NRXN3: variants seen among roughly 807,000 people sequenced by gnomAD.
The protein encoded by NRXN3 is neurexin III.
Under a neutral mutation model 137.6 loss-of-function variants are expected in NRXN3, and 32 were observed. The observed-to-expected ratio is 0.23, with a 90% CI of 0.18 to 0.31. The LOEUF (loss-of-function observed/expected upper bound fraction) is 0.31. NRXN3 is among the 10% of genes least tolerant of loss of function. NRXN3 has a pLI of 1.00. For synonymous variants in NRXN3, 798 were observed against 784.5 expected, an observed-to-expected ratio of 1.02 and a Z score of -0.29; for missense variants, 1,574 against 2,062.5, an observed-to-expected ratio of 0.76 and a Z score of 4.59.
chr14:79,616,003 C>T (rs1320052552), intron 16 of NRXN3, among the ~76,000 whole-genome samples: 1 of 152,068 alleles, frequency 6.6e-6, no homozygotes, highest in African/African-American at 2.4e-5. Flanking sequence ...TCATACCCAG[C>T]AGTATGAAGA....
chr14:78,333,730 G>T (rs1295286255), intron 4 of NRXN3, among the ~76,000 whole-genome samples: 2 of 152,122 alleles, frequency 1.3e-5, no homozygotes, highest in Non-Finnish European at 2.9e-5. Flanking sequence ...GGTGTGTGTG[G>T]GGGGCATATT....
intron 1 of NRXN3, among the ~76,000 whole-genome samples, chr14:78,201,295 C>T (rs2061655150): frequency 6.6e-6 from 1 of 152,206 alleles, no homozygotes; most frequent in Non-Finnish European, 1.5e-5. Context: ...CCTAAATTCT[C>T]CACACTGTCA....
At position 79,755,897 on chromosome 14, in the gene NRXN3, A is replaced by AT. The variant is rs2099017697; in HGVS notation, c.4015-49212dup. On this transcript the variant is annotated intron_variant, in intron 19 of 20. Coordinates refer to ENST00000335750, the MANE Select transcript of NRXN3 (RefSeq NM_001330195.2). ...CTCCTATGCAAATCCTGATTTTCAC[A>AT]TTTAAGCTTTACTTAACAGTGTCAA... is the stretch of plus-strand genomic sequence containing the variant. Among the ~76,000 whole-genome samples, 4 of 152,272 alleles carry AT rather than the reference A, an allele frequency of 2.6e-5. No individual in the cohort carries two copies. In the South Asian group the frequency reaches 6.2e-4, roughly 24 times the overall value.
At chr14:79,733,471 G>T (rs577985495) in intron 19 of NRXN3, among the ~76,000 whole-genome samples, 1 of 152,048 alleles carries the variant, frequency 6.6e-6, no homozygotes, top group Non-Finnish European at 1.5e-5. Context: ...AAAACGTGCC[G>T]CTAAAACCTT....
intron 15 of NRXN3, among the ~76,000 whole-genome samples, chr14:79,219,147 G>T (rs2069065484): frequency 1.3e-5 from 2 of 152,142 alleles, no homozygotes; most frequent in South Asian, 4.2e-4. Context: ...TTAGAGATAG[G>T]GTCTCACTCT....
chr14:79,456,596 G>A (rs953866583), intron 15 of NRXN3, among the ~76,000 whole-genome samples: 4 of 151,814 alleles, frequency 2.6e-5, no homozygotes, highest in Admixed American at 6.6e-5. Context: ...GCATAGTGGC[G>A]GGTGCCTGTA....
intron 15 of NRXN3, among the ~76,000 whole-genome samples, chr14:79,416,760 G>T (rs1221124163): frequency 1.3e-5 from 2 of 152,100 alleles, no homozygotes; most frequent in Non-Finnish European, 2.9e-5. Flanking sequence ...CTTCTATGCA[G>T]ATTTCATTAA....
chr14:78,551,964 C>A (rs2096695658), intron 4 of NRXN3, among the ~76,000 whole-genome samples: 1 of 152,148 alleles, frequency 6.6e-6, no homozygotes, highest in African/African-American at 2.4e-5. Context: ...GATCCCCAGA[C>A]TTTGCTTGTT....
chr14:79,510,064 T>A (rs755437624), intron 16 of NRXN3, among the ~76,000 whole-genome samples: 10 of 152,164 alleles, frequency 6.6e-5, no homozygotes, highest in Admixed American at 2.6e-4. Context: ...TAAAACCAGT[T>A]GCATTGACCA....
At chr14:79,010,261 T>C (rs979630870) in intron 15 of NRXN3, among the ~76,000 whole-genome samples, 1 of 152,166 alleles carries the variant, frequency 6.6e-6, no homozygotes, top group African/African-American at 2.4e-5. Context: ...TAGATTTTGG[T>C]ACAGTGACTT....
At chr14:78,323,341 C>T (rs2079634403) in intron 4 of NRXN3, among the ~76,000 whole-genome samples, 1 of 151,932 alleles carries the variant, frequency 6.6e-6, no homozygotes, top group East Asian at 1.9e-4. Context: ...TCAAAGTGCC[C>T]TGTGTGTGGA....
At chr14:78,183,835 T>C (rs2060012523) in intron 1 of NRXN3, among the ~76,000 whole-genome samples, 1 of 152,168 alleles carries the variant, frequency 6.6e-6, no homozygotes, top group Admixed American at 6.5e-5. Flanking sequence ...AAGCAATAGC[T>C]TGACTCTACA....
chr14:79,302,523 G>C (rs1025938659), intron 15 of NRXN3, among the ~76,000 whole-genome samples: 9 of 151,894 alleles, frequency 5.9e-5, no homozygotes, highest in African/African-American at 1.9e-4. Flanking sequence ...TACAGAGTGA[G>C]AGCTCAATAT....
chr14:79,763,770 C>T (rs772068877), intron 19 of NRXN3, among the ~76,000 whole-genome samples: 5 of 151,432 alleles, frequency 3.3e-5, no homozygotes, highest in African/African-American at 4.9e-5. Context: ...TATGAGGTCT[C>T]TGCCATCATG....
At chr14:78,620,398 C>T (rs1316639786) in intron 4 of NRXN3, among the ~76,000 whole-genome samples, 1 of 152,060 alleles carries the variant, frequency 6.6e-6, no homozygotes. Context: ...TGATTTATTC[C>T]CCCTCCTCCC....
chr14:78,276,374 C>CA (rs1315954763), intron 2 of NRXN3, among the ~76,000 whole-genome samples: 5 of 152,084 alleles, frequency 3.3e-5, no homozygotes, highest in Non-Finnish European at 5.9e-5. Context: ...AAAGTGGAAC[C>CA]AAAATCACTG....
chr14:79,730,619 C>T (rs2098918508), intron 19 of NRXN3, among the ~76,000 whole-genome samples: 1 of 152,140 alleles, frequency 6.6e-6, no homozygotes, highest in Non-Finnish European at 1.5e-5. Flanking sequence ...ATTTTTATCT[C>T]TGTAGCCTGT....
chr14:78,209,434 T>A (rs749153692), intron 1 of NRXN3, among the ~76,000 whole-genome samples: 1 of 152,204 alleles, frequency 6.6e-6, no homozygotes. Context: ...GTTCTCACAC[T>A]GCTATAAAGA....
chr14:79,356,389 C>T (rs924942908), intron 15 of NRXN3, among the ~76,000 whole-genome samples: 1 of 152,140 alleles, frequency 6.6e-6, no homozygotes, highest in African/African-American at 2.4e-5. Flanking sequence ...TCCTTAAACT[C>T]TTGCTTTTCC....
Sources: gnomAD v4.1 joint callset for allele counts (sites outside exome capture counted in the v4.1 genomes callset) on GRCh38, gnomAD v4.1.1 for gene constraint, MANE v1.5 for transcripts, NCBI Gene and HGNC (gene_info 2026-07-23, HGNC 2026-07-21) for gene names.